The following CACNA1E variants were observed in gnomAD, a reference collection of about 807,000 sequenced individuals.
CACNA1E encodes the protein calcium voltage-gated channel subunit alpha1 E, also known as voltage-dependent R-type calcium channel subunit alpha-1E.
A neutral mutation model predicts 259.2 loss-of-function variants in CACNA1E; 40 were observed. The ratio of observed to expected loss-of-function variants is 0.15; its 90% CI spans 0.12 to 0.20. CACNA1E has a LOEUF of 0.20. Ranked by LOEUF, CACNA1E falls within the 10% of genes least tolerant of loss-of-function variation. The probability of loss-of-function intolerance (pLI) is 1.00; values close to 1 mark genes in which losing one functional copy is unlikely to be tolerated. For missense variants in CACNA1E, 1,874 were observed against 3,040.1 expected (o/e 0.62, Z 9.02); for synonymous variants, 1,104 against 1,138.5 (o/e 0.97, Z 0.61).
intron 1 of CACNA1E, among the ~76,000 whole-genome samples, chr1:181,360,558 G>C (rs965651399): frequency 2.0e-5 from 3 of 152,180 alleles, no homozygotes; most frequent in African/African-American, 7.2e-5. Context: ...CTGTAGACCA[G>C]AGACTAGGGG....
chr1:181,528,826 G>A (rs1667553376), intron 3 of CACNA1E, among the ~76,000 whole-genome samples: 1 of 152,164 alleles, frequency 6.6e-6, no homozygotes, highest in Admixed American at 6.5e-5. Context: ...GGTGAGTTGG[G>A]TGCTGTTAAA....
At chr1:181,688,506 T>C (rs1037580665) in intron 7 of CACNA1E, among the ~76,000 whole-genome samples, 1 of 152,200 alleles carries the variant, frequency 6.6e-6, no homozygotes, top group Non-Finnish European at 1.5e-5. Flanking sequence ...GCCCAATTGC[T>C]CTTTTCCCCT....
intron 28 of CACNA1E, 84 bp from the exon 29 acceptor site, chr1:181,755,872 T>A: frequency 7.3e-7 from 1 of 1,362,758 alleles, no homozygotes; most frequent in Non-Finnish European, 1.0e-6. Flanking sequence ...ACCCCCACAT[T>A]ATTGCGGCCT....
chr1:181,588,830 T>C (rs1397031008), intron 6 of CACNA1E, among the ~76,000 whole-genome samples: 2 of 152,218 alleles, frequency 1.3e-5, no homozygotes, highest in Non-Finnish European at 1.5e-5. Context: ...GCCTTAGGAC[T>C]GAGGGGCAGA....
intron 1 of CACNA1E, among the ~76,000 whole-genome samples, chr1:181,326,228 G>C (rs999284610): frequency 6.6e-6 from 1 of 152,232 alleles, no homozygotes; most frequent in Non-Finnish European, 1.5e-5. Context: ...AAGGCCTGCA[G>C]AACCCGAGAT....
At chr1:181,330,464 T>A (rs1571579578) in intron 1 of CACNA1E, among the ~76,000 whole-genome samples, 2 of 152,044 alleles carry the variant, frequency 1.3e-5, no homozygotes, top group African/African-American at 4.8e-5. Context: ...TGCCAGAGGG[T>A]CAGCCTGGGG....
chr1:181,743,133 G>T (rs981030474), intron 25 of CACNA1E, among the ~76,000 whole-genome samples: 1 of 152,090 alleles, frequency 6.6e-6, no homozygotes, highest in African/African-American at 2.4e-5. Flanking sequence ...GCAAAGGTTG[G>T]GTTCAGGGCT....
chr1:181,691,051 C>A (rs1364295680), intron 7 of CACNA1E, among the ~76,000 whole-genome samples: 2 of 151,892 alleles, frequency 1.3e-5, no homozygotes, highest in Non-Finnish European at 2.9e-5. Context: ...CAAATATTAT[C>A]TTTTCAAATA....
intron 3 of CACNA1E, among the ~76,000 whole-genome samples, chr1:181,540,157 G>T (rs967093879): frequency 2.0e-5 from 3 of 152,068 alleles, no homozygotes; most frequent in African/African-American, 7.2e-5. Flanking sequence ...CGATGTAAAC[G>T]CATTTCCTAG....
At chr1:181,580,531 G>A in intron 5 of CACNA1E, 64 bp from the exon 6 acceptor site, 1 of 1,505,364 alleles carries the variant, frequency 6.6e-7, no homozygotes, top group Non-Finnish European at 9.2e-7. Flanking sequence ...GGCTTCCTGG[G>A]GTCATTTCCA....
chr1:181,628,090 CTG>C (rs1272967096), intron 6 of CACNA1E, among the ~76,000 whole-genome samples: 1 of 152,196 alleles, frequency 6.6e-6, no homozygotes, highest in African/African-American at 2.4e-5. Context: ...TTGAGATGGA[CTG>C]TGTGTCTCTT....
At chr1:181,383,227 G>A (rs937351272) in intron 1 of CACNA1E, among the ~76,000 whole-genome samples, 2 of 152,154 alleles carry the variant, frequency 1.3e-5, no homozygotes, top group African/African-American at 4.8e-5. Flanking sequence ...GAGTTATAGT[G>A]TCTTTCACTT....
At chr1:181,778,183 G>A (rs1660122827) in intron 38 of CACNA1E, among the ~76,000 whole-genome samples, 1 of 152,170 alleles carries the variant, frequency 6.6e-6, no homozygotes, top group South Asian at 2.1e-4. Context: ...TAAGGTGGGT[G>A]AGGAAGACTA....
intron 23 of CACNA1E, 151 bp from the exon 24 acceptor site, chr1:181,738,216 G>A (rs1338535994): frequency 1.4e-6 from 1 of 702,790 alleles, no homozygotes; most frequent in Admixed American, 2.1e-5. Flanking sequence ...AGTCCAGCTA[G>A]TGGCTCTAAT....
intron 7 of CACNA1E, among the ~76,000 whole-genome samples, chr1:181,667,842 C>CTT (rs796531775): frequency 1.2e-4 from 17 of 144,554 alleles, no homozygotes; most frequent in African/African-American, 4.0e-4. Flanking sequence ...ACGTGTCTGT[C>CTT]TTTTTTTTTT....
chr1:181,329,454 A>G (rs1651060270), intron 1 of CACNA1E, among the ~76,000 whole-genome samples: 1 of 151,770 alleles, frequency 6.6e-6, no homozygotes, highest in Non-Finnish European at 1.5e-5. Flanking sequence ...CCCCTACCCC[A>G]CCACAGCTTC....
chr1:181,500,214 C>A (rs1039450716), intron 1 of CACNA1E, among the ~76,000 whole-genome samples: 15 of 152,166 alleles, frequency 9.9e-5, no homozygotes, highest in African/African-American at 3.4e-4. Context: ...TGGTTCACCC[C>A]TTATGCATAT....
chr1:181,456,997 C>T (rs1043449731), intron 2 of CACNA1E, among the ~76,000 whole-genome samples: 20 of 152,216 alleles, frequency 1.3e-4, no homozygotes, highest in African/African-American at 4.1e-4. Context: ...GTCTTGTGCT[C>T]ACTTTTCTAC....
chr1:181,541,408 A>G (rs972725599), intron 3 of CACNA1E, among the ~76,000 whole-genome samples: 1 of 152,100 alleles, frequency 6.6e-6, no homozygotes, highest in Non-Finnish European at 1.5e-5. Flanking sequence ...TAGAGGTACT[A>G]GGAGTTATGA....
Sources: gnomAD v4.1 joint callset for allele counts (sites outside exome capture counted in the v4.1 genomes callset) on GRCh38, gnomAD v4.1.1 for gene constraint, MANE v1.5 for transcripts, NCBI Gene and HGNC (gene_info 2026-07-23, HGNC 2026-07-21) for gene names.